Variants in LIMCH1 observed in about 807,000 individuals in gnomAD.
LIMCH1 encodes LIM and calponin homology domains-containing protein 1.
Under a neutral mutation model 176.5 loss-of-function variants are expected in LIMCH1, and 113 were observed. The observed-to-expected ratio is 0.64, with a 90% CI of 0.55 to 0.75. The LOEUF is 0.75. LIMCH1 is among the 30% of genes least tolerant of loss of function. LIMCH1 has a pLI of 0.00. For synonymous variants in LIMCH1, 619 were observed against 645.9 expected (o/e 0.96, Z 0.63); for missense variants, 1,674 against 1,814.9 (o/e 0.92, Z 1.41).
intron 1 of LIMCH1, among the ~76,000 whole-genome samples, chr4:41,564,441 T>C (rs1042936529): frequency 1.3e-5 from 2 of 152,278 alleles, no homozygotes; most frequent in African/African-American, 2.4e-5. Flanking sequence ...TAAATACTTA[T>C]TGAGTACATA....
intron 1 of LIMCH1, among the ~76,000 whole-genome samples, chr4:41,435,194 C>T (rs116312618): frequency 0.02 from 3,087 of 152,134 alleles, 52 homozygotes; most frequent in Middle Eastern, 0.034. Context: ...TCCCAGTGGA[C>T]CCTATGTTAC....
At chr4:41,637,885 T>A (rs543497418) in intron 13 of LIMCH1, among the ~76,000 whole-genome samples, 1 of 152,340 alleles carries the variant, frequency 6.6e-6, no homozygotes, top group South Asian at 2.1e-4. Context: ...ACCCTTTTCC[T>A]ATAAACTATT....
intron 4 of LIMCH1, chr4:41,612,248 G>A (rs750781679): frequency 9.0e-6 from 3 of 334,416 alleles, no homozygotes; most frequent in African/African-American, 2.1e-5. Flanking sequence ...GATAGAAGCA[G>A]CCAGCAAAGG....
chr4:41,587,759 G>C (rs2086732125), intron 1 of LIMCH1, among the ~76,000 whole-genome samples: 1 of 152,038 alleles, frequency 6.6e-6, no homozygotes, highest in South Asian at 2.1e-4. Context: ...CTTTCAAACA[G>C]CAAGTATGCC....
At chr4:41,601,217 T>C (rs1028225142) in intron 2 of LIMCH1, among the ~76,000 whole-genome samples, 1 of 152,182 alleles carries the variant, frequency 6.6e-6, no homozygotes, top group Non-Finnish European at 1.5e-5. Flanking sequence ...CTTCTGCTCA[T>C]GTGGAGTTTA....
chr4:41,617,234 G>A (rs1198521491), intron 5 of LIMCH1, among the ~76,000 whole-genome samples: 1 of 152,140 alleles, frequency 6.6e-6, no homozygotes, highest in Non-Finnish European at 1.5e-5. Context: ...TCAACAAAGT[G>A]CAGCACTTCT....
chr4:41,688,862 A>G (rs1317889906), intron 29 of LIMCH1: 2 of 152,510 alleles, frequency 1.3e-5, no homozygotes, highest in Non-Finnish European at 2.9e-5. Flanking sequence ...TTTAGAGAGA[A>G]GGCAAGTGCC....
intron 1 of LIMCH1, among the ~76,000 whole-genome samples, chr4:41,590,877 G>GTTGCT (rs2087424025): frequency 6.6e-6 from 1 of 152,168 alleles, no homozygotes; most frequent in South Asian, 2.1e-4. Flanking sequence ...TACCCATACA[G>GTTGCT]GCTGAGGCAG....
intron 1 of LIMCH1, chr4:41,386,022 A>G (rs1167821556): frequency 1.3e-5 from 2 of 152,230 alleles, no homozygotes; most frequent in African/African-American, 4.8e-5. Context: ...TTTGATTAGA[A>G]TGATTCTAGC....
intron 1 of LIMCH1, among the ~76,000 whole-genome samples, chr4:41,566,595 C>T (rs767737597): frequency 2.0e-5 from 3 of 152,056 alleles, no homozygotes; most frequent in Non-Finnish European, 4.4e-5. Flanking sequence ...GAGGAGAAGT[C>T]ACTAGGAGCA....
upstream of LIMCH1, among the ~76,000 whole-genome samples, chr4:41,534,037 C>T (rs1311518424): frequency 6.6e-6 from 1 of 152,074 alleles, no homozygotes; most frequent in African/African-American, 2.4e-5. Context: ...ATTTTGTGTG[C>T]AGTAAAAGCC....
Position 41,636,957 on chromosome 4 carries a change from A to G in LIMCH1, c.2091-1975A>G, listed in dbSNP as rs1264516703. On this transcript the variant is annotated intron_variant, in intron 13 of 31. Transcript: ENST00000503057. Reference sequence around the variant, plus strand: ...TGTGCACTTTCTGTATATAGCTTAAACTTCAATAAAATGTTAATTAAAATA... The same window carrying G: ...TGTGCACTTTCTGTATATAGCTTAAGCTTCAATAAAATGTTAATTAAAATA... Among the ~76,000 whole-genome samples the G allele has an allele frequency of 3.9e-5, 6 of 152,354 alleles. No individual in the cohort carries two copies. The East Asian group carries it at 1.2e-3, about 29-fold the overall frequency.
intron 1 of LIMCH1, among the ~76,000 whole-genome samples, chr4:41,426,704 A>G (rs954313531): frequency 2.0e-5 from 3 of 152,152 alleles, no homozygotes; most frequent in Non-Finnish European, 2.9e-5. Flanking sequence ...GTTGGCACGG[A>G]AACATTATTG....
At chr4:41,419,700 CTTCCT>C (rs2060425470) in intron 1 of LIMCH1, among the ~76,000 whole-genome samples, 7 of 101,344 alleles carry the variant, frequency 6.9e-5, no homozygotes, top group African/African-American at 2.6e-4. Flanking sequence ...TCCTTCCTTC[CTTCCT>C]TCCTTCCTTC....
intron 1 of LIMCH1, among the ~76,000 whole-genome samples, chr4:41,570,969 A>G (rs2083461249): frequency 6.6e-6 from 1 of 152,188 alleles, no homozygotes; most frequent in Non-Finnish European, 1.5e-5. Context: ...ACATTGCAAG[A>G]ACTGAAAAGT....
At chr4:41,531,478 A>T (rs922652824) in intron 3 of LIMCH1, among the ~76,000 whole-genome samples, 46 of 112,168 alleles carry the variant, frequency 4.1e-4, no homozygotes, top group African/African-American at 1.9e-3. Context: ...TCTCTGTCAC[A>T]CACACACACA....
intron 1 of LIMCH1, among the ~76,000 whole-genome samples, chr4:41,565,183 G>A (rs1185953500): frequency 1.3e-5 from 2 of 152,056 alleles, no homozygotes; most frequent in Non-Finnish European, 2.9e-5. Flanking sequence ...CTAGAAGCTC[G>A]TGGGATATTG....
At chr4:41,388,353 CATT>C (rs1209169377) in intron 1 of LIMCH1, among the ~76,000 whole-genome samples, 5 of 152,184 alleles carry the variant, frequency 3.3e-5, no homozygotes, top group African/African-American at 9.7e-5. Context: ...ACCTCAAAAA[CATT>C]ATGCTAAGTG....
At chr4:41,544,538 C>T (rs942850947) in intron 1 of LIMCH1, among the ~76,000 whole-genome samples, 11 of 152,092 alleles carry the variant, frequency 7.2e-5, no homozygotes, top group African/African-American at 2.7e-4. Context: ...CTCCAGGTGC[C>T]CAGTGGTTCC....
Sources: gnomAD v4.1 joint callset for allele counts (sites outside exome capture counted in the v4.1 genomes callset) on GRCh38, gnomAD v4.1.1 for gene constraint, MANE v1.5 for transcripts, NCBI Gene and HGNC (gene_info 2026-07-23, HGNC 2026-07-21) for gene names.